Variants in REEP1 observed in about 807,000 individuals in gnomAD.
REEP1 encodes receptor expression-enhancing protein 1.
In REEP1, 22 loss-of-function variants were observed where a neutral mutation model predicts 40.3. The observed-to-expected ratio is 0.55, with a 90% CI of 0.39 to 0.78. The LOEUF is 0.78. REEP1 is among the 30% of genes least tolerant of loss of function. The pLI is 0.00. For synonymous variants in REEP1, 116 were observed against 139.2 expected (o/e 0.83, Z 1.17); for missense variants, 280 against 361.1 (o/e 0.78, Z 1.82).
chr2:86,257,521 C>T (rs566932548), intron 3 of REEP1, among the ~76,000 whole-genome samples: 18 of 152,228 alleles, frequency 1.2e-4, no homozygotes, highest in African/African-American at 4.1e-4. Context: ...CCCCAACACA[C>T]AGAAGCATTC....
intron 5 of REEP1, among the ~76,000 whole-genome samples, chr2:86,239,208 CAA>C (rs35714309): frequency 0.3 from 17,185 of 57,270 alleles, 1,193 homozygotes; most frequent in Non-Finnish European, 0.37. Flanking sequence ...CCATCTAGAC[CAA>C]AAAAAAAAAA....
chr2:86,262,172 C>A (rs1209966735), intron 3 of REEP1, among the ~76,000 whole-genome samples: 1 of 152,178 alleles, frequency 6.6e-6, no homozygotes, highest in Non-Finnish European at 1.5e-5. Flanking sequence ...CTATTTTTTT[C>A]TCTATACTTT....
intron 5 of REEP1, among the ~76,000 whole-genome samples, chr2:86,234,287 G>A (rs1574008169): frequency 6.6e-6 from 1 of 152,140 alleles, no homozygotes; most frequent in East Asian, 1.9e-4. Flanking sequence ...GGAGGCTGAG[G>A]CAGGAGGATT....
At chr2:86,320,011 T>C (rs1021643468) in intron 1 of REEP1, among the ~76,000 whole-genome samples, 2 of 152,260 alleles carry the variant, frequency 1.3e-5, no homozygotes, top group Non-Finnish European at 2.9e-5. Flanking sequence ...ACTTCTAGTC[T>C]GCAGAACTGT....
At position 86,215,135 on chromosome 2, in the gene REEP1, A is replaced by G. The variant is rs1444597043; in HGVS notation, c.*1904T>C. Reference sequence around the variant, plus strand: ...TTCTTCTTCTGTCTGGAACTACTCAATGAGCACAAAGAAAACATTTTCTGT... The same window carrying G: ...TTCTTCTTCTGTCTGGAACTACTCAGTGAGCACAAAGAAAACATTTTCTGT... On this transcript the variant is annotated 3_prime_UTR_variant, in exon 9 of 9. Coordinates refer to ENST00000538924, the MANE Select transcript of REEP1 (RefSeq NM_001371279.1). 3 of 150,360 alleles carry G rather than the reference A, an allele frequency of 2.0e-5. No homozygotes were observed. The highest frequency in any genetic ancestry group is 2.4e-5 in the African/African-American group (1 of 40,830). The allele number at this position is 150,360 out of a possible 1,614,324, so 9.3% of individuals were successfully genotyped here.
chr2:86,227,581 T>C (rs11127017), intron 6 of REEP1, among the ~76,000 whole-genome samples, 183 bp from the exon 7 acceptor site: 109,296 of 152,066 alleles, frequency 0.72, 43,839 homozygotes, highest in Non-Finnish European at 0.88. Flanking sequence ...ATTCAGTTTC[T>C]GCTCAGGTGC....
Position 86,217,068 on chromosome 2 carries a change from T to C in REEP1, c.826A>G (p.Thr276Ala). 1 of 1,614,148 alleles carries C rather than the reference T, an allele frequency of 6.2e-7. No individual in the cohort carries two copies. The highest frequency in any genetic ancestry group is 8.5e-7 in the Non-Finnish European group (1 of 1,180,008). ...GTGGTTTCGGTGGCCGAGGATGAGG[T>C]ACTTTTCTTCCTGAAGCGAGATCGA... ...ILRSRFRKKS[T>A]SSSATETT is the part of the protein sequence containing the mutation. Residue 276 changes from threonine to alanine, a missense_variant, in exon 9 of 9, where the codon ACC becomes GCC. Thr to Ala is a moderately conservative substitution (Grantham distance 58). Around this residue, in one of 3 missense-constraint regions of REEP1, gnomAD observed 201 missense variants for 238.5 expected, o/e 0.84. Transcript: ENST00000538924.
intron 2 of REEP1, among the ~76,000 whole-genome samples, chr2:86,266,443 C>T (rs2104316854): frequency 6.6e-6 from 1 of 150,520 alleles, no homozygotes; most frequent in East Asian, 2.0e-4. Flanking sequence ...CAAGGTGAAA[C>T]CCCGTCTCTA....
intron 2 of REEP1, among the ~76,000 whole-genome samples, chr2:86,271,833 C>T (rs1054630454): frequency 6.6e-6 from 1 of 152,200 alleles, no homozygotes; most frequent in African/African-American, 2.4e-5. Context: ...TTGTCAGGAG[C>T]CTGAATTCCT....
Position 86,216,821 on chromosome 2 carries a change from G to A in REEP1, c.*218C>T, listed in dbSNP as rs1033340030. The A allele has an allele frequency of 2.7e-5, 10 of 371,104 alleles. No homozygotes were observed. Among genetic ancestry groups the A allele is most frequent in the African/African-American group, 1.5e-4 (7 of 47,108 alleles). The allele number at this position is 371,104 out of a possible 1,614,324, so 23.0% of individuals were successfully genotyped here. On this transcript the variant is annotated 3_prime_UTR_variant, in exon 9 of 9. Coordinates refer to ENST00000538924, the MANE Select transcript of REEP1 (RefSeq NM_001371279.1). The stretch of plus-strand genomic sequence containing the variant: ...AGAAGACTTAAAGGTCACCACCCCC[G>A]CCCCTACTACCTTTCCCTTTAGCCT...
chr2:86,297,620 T>C lies in REEP1; in HGVS notation c.33-15378A>G. ...TGGGAGACCAAGAACAGCCACTACC[T>C]GCAAGAGAGATTCTCCCCGGGGGTT... is the stretch of plus-strand genomic sequence containing the variant. On this transcript the variant is annotated intron_variant, in intron 1 of 8. Coordinates refer to ENST00000538924, the MANE Select transcript of REEP1 (RefSeq NM_001371279.1). 4.8e-6 allele frequency: 4 copies of C among 836,718 alleles called. No homozygotes were observed. In the South Asian group the frequency reaches 1.6e-4, roughly 34 times the overall value. 51.8% of individuals were successfully genotyped at this position (836,718 alleles called of 1,614,324 possible). A position where few individuals can be genotyped will look rare whatever the true frequency, so the allele number is the denominator to read the frequency against.
chr2:86,324,223 C>T (rs1164290900), intron 1 of REEP1, among the ~76,000 whole-genome samples: 1 of 151,986 alleles, frequency 6.6e-6, no homozygotes, highest in Non-Finnish European at 1.5e-5. Flanking sequence ...AAATAAATCA[C>T]AGACTGGGAG....
intron 2 of REEP1, chr2:86,280,128 C>T: frequency 2.3e-6 from 1 of 443,018 alleles, no homozygotes; most frequent in Non-Finnish European, 4.5e-6. Context: ...CTCTCTTGAA[C>T]AAAATGGGCG....
intron 3 of REEP1, 58 bp downstream of exon 3, chr2:86,263,907 C>T: frequency 1.5e-6 from 2 of 1,337,070 alleles, no homozygotes; most frequent in Admixed American, 1.7e-5. Context: ...CCCACCTCCC[C>T]CTGAGTGACA....
intron 4 of REEP1, among the ~76,000 whole-genome samples, chr2:86,252,464 A>C (rs1467443993): frequency 7.1e-6 from 1 of 141,124 alleles, no homozygotes; most frequent in Non-Finnish European, 1.6e-5. Context: ...CCTGCCACCA[A>C]CTGACTGCCA....
intron 1 of REEP1, among the ~76,000 whole-genome samples, chr2:86,330,414 GGTGTGTGTGT>G (rs55660803): frequency 0.011 from 1,405 of 127,864 alleles, 18 homozygotes; most frequent in African/African-American, 0.024. Flanking sequence ...AGTGAATCCT[GGTGTGTGTGT>G]GTGTGTGTGT....
intron 5 of REEP1, among the ~76,000 whole-genome samples, chr2:86,234,868 T>C (rs770136663): frequency 1.3e-5 from 2 of 152,174 alleles, no homozygotes; most frequent in Non-Finnish European, 2.9e-5. Flanking sequence ...CCCCTTCAAA[T>C]ATAGCAGCCA....
At chr2:86,217,389 C>G (rs183347008) in intron 8 of REEP1, among the ~76,000 whole-genome samples, 1 of 152,192 alleles carries the variant, frequency 6.6e-6, no homozygotes, top group South Asian at 2.1e-4. Flanking sequence ...ACACATCTTT[C>G]TTGTTTCTGC....
intron 1 of REEP1, among the ~76,000 whole-genome samples, chr2:86,331,609 C>T (rs573095228): frequency 4.6e-5 from 7 of 152,226 alleles, no homozygotes; most frequent in African/African-American, 1.7e-4. Context: ...AGCCTCTAGG[C>T]TGGACAGCTA....
Sources: gnomAD v4.1 joint callset for allele counts (sites outside exome capture counted in the v4.1 genomes callset) on GRCh38, gnomAD v4.1.1 for gene constraint, gnomAD v4.1.1 regional missense constraint, MANE v1.5 for transcripts, NCBI Gene and HGNC (gene_info 2026-07-23, HGNC 2026-07-21) for gene names.